Variants in SHROOM4 observed in about 807,000 individuals in gnomAD.
SHROOM4 encodes the protein protein Shroom4.
A neutral mutation model predicts 80.3 loss-of-function variants in SHROOM4; 17 were observed. The observed-to-expected ratio is 0.21, with a 90% CI of 0.14 to 0.32. SHROOM4 has a LOEUF of 0.32. Among genes scored for constraint, SHROOM4 ranks in the 10% least tolerant of loss-of-function variants. The pLI, the probability that SHROOM4 is intolerant of heterozygous loss-of-function variation, is 1.00. For missense variants in SHROOM4, 993 were observed against 1,140.3 expected (o/e 0.87, Z 1.86); for synonymous variants, 400 against 437.5 (o/e 0.91, Z 1.07).
intron 2 of SHROOM4, among the ~76,000 whole-genome samples, chrX:50,689,258 TAAATGACATTGGTAAGG>T (rs1933160894): frequency 9.0e-6 from 1 of 111,530 alleles, no homozygotes; most frequent in Non-Finnish European, 1.9e-5. Flanking sequence ...TGGAGGCTGA[TAAATGACATTGGTAAGG>T]AAATGAGAGT....
At chrX:50,694,543 ATTTTT>A (rs782530547) in intron 2 of SHROOM4, among the ~76,000 whole-genome samples, 7 of 12,492 alleles carry the variant, frequency 5.6e-4, no homozygotes, top group African/African-American at 6.6e-4. Flanking sequence ...TTTAAGTTGG[ATTTTT>A]TTTTTTTTTT....
rs781840761 is a variant in SHROOM4 at position 50,771,722 on chromosome X, C to T, written c.117+42180G>A. Among the ~76,000 whole-genome samples, 13 of 112,468 alleles carry T rather than the reference C, an allele frequency of 1.2e-4. No homozygotes were observed. The East Asian group carries it at 3.3e-3, about 29-fold the overall frequency. On this transcript the variant is annotated intron_variant, in intron 1 of 8. Transcript: ENST00000376020. ...AATTCCCTTTGACCTAACAATTCTG[C>T]TTTTTCTATAAATATCTCTTAGTAA...
In SHROOM4 at chrX:50,730,501, C is replaced by T. The variant is rs782664434; in HGVS notation, c.118-34564G>A. The stretch of plus-strand genomic sequence containing the variant: ...CACAGAACATTAACTACAGGCCTGG[C>T]ACAGTGGCTCAAGCCTGTAATCCCA... On this transcript the variant is annotated intron_variant, in intron 1 of 8. Coordinates refer to ENST00000376020, the MANE Select transcript of SHROOM4 (RefSeq NM_020717.5). Among the ~76,000 whole-genome samples the T allele has an allele frequency of 2.7e-3, 301 of 109,961 alleles. 2 individuals carry two copies. Among genetic ancestry groups the T allele is most frequent in the Middle Eastern group, 0.015 (3 of 204 alleles).
intron 7 of SHROOM4, among the ~76,000 whole-genome samples, chrX:50,599,095 C>A (rs1291974961): frequency 9.1e-6 from 1 of 109,991 alleles, no homozygotes; most frequent in Non-Finnish European, 1.9e-5. Context: ...TGATCAGCCC[C>A]CCTCAGCCTT....
chrX:50,793,994 G>T (rs1379151482), intron 1 of SHROOM4, among the ~76,000 whole-genome samples: 10 of 110,417 alleles, frequency 9.1e-5, no homozygotes, highest in Non-Finnish European at 1.9e-4. Context: ...TATGTGAAGG[G>T]AGAAAAAAAG....
At chrX:50,577,594 A>C in the SHROOM4 span, among the ~76,000 whole-genome samples, 1 of 112,288 alleles carries the variant, frequency 8.9e-6, no homozygotes, top group East Asian at 2.8e-4. Context: ...CCTGAAATAG[A>C]GGGTAGTTGG....
intron 1 of SHROOM4, among the ~76,000 whole-genome samples, chrX:50,704,482 G>A (rs1191980182): frequency 8.9e-6 from 1 of 112,063 alleles, no homozygotes; most frequent in African/African-American, 3.2e-5. Flanking sequence ...AAGAGGATGT[G>A]ATTAACTATC....
chrX:50,671,007 T>C (rs1363359537), intron 2 of SHROOM4, among the ~76,000 whole-genome samples: 6 of 112,132 alleles, frequency 5.4e-5, no homozygotes, highest in African/African-American at 1.9e-4. Context: ...GCAGAATGGA[T>C]GAGTTAGCAG....
chrX:50,772,127 T>C (rs983391838), intron 1 of SHROOM4, among the ~76,000 whole-genome samples: 4 of 111,265 alleles, frequency 3.6e-5, no homozygotes, highest in Non-Finnish European at 7.5e-5. Context: ...TGGCTAATTT[T>C]AATTTTCTTC....
chrX:50,710,953 T>G (rs1933797915), intron 1 of SHROOM4, among the ~76,000 whole-genome samples: 2 of 111,779 alleles, frequency 1.8e-5, no homozygotes, highest in South Asian at 7.6e-4. Context: ...TAGAGCTCAC[T>G]CTAGGACCAA....
chrX:50,748,121 C>T (rs781847146), intron 1 of SHROOM4, among the ~76,000 whole-genome samples: 79 of 111,483 alleles, frequency 7.1e-4, no homozygotes, highest in Non-Finnish European at 1.3e-3. Context: ...ATGATAGTAT[C>T]CTGAAAGATC....
the SHROOM4 span, among the ~76,000 whole-genome samples, chrX:50,580,995 A>G: frequency 8.9e-6 from 1 of 112,099 alleles, no homozygotes; most frequent in African/African-American, 3.2e-5. Flanking sequence ...GGTAGGATCA[A>G]AGGGAATATG....
At chrX:50,655,941 T>C (rs782446447) in intron 2 of SHROOM4, among the ~76,000 whole-genome samples, 1 of 111,854 alleles carries the variant, frequency 8.9e-6, no homozygotes, top group South Asian at 3.8e-4. Context: ...TTTTTGATTA[T>C]AGACATTCTA....
intron 1 of SHROOM4, among the ~76,000 whole-genome samples, chrX:50,743,594 A>T (rs141468986): frequency 0.022 from 2,442 of 109,829 alleles, 65 homozygotes; most frequent in African/African-American, 0.076. Context: ...AGTAGCTCAG[A>T]CTATAGGCAC....
At chrX:50,660,726 G>A (rs1932480280) in intron 2 of SHROOM4, among the ~76,000 whole-genome samples, 1 of 106,711 alleles carries the variant, frequency 9.4e-6, no homozygotes, top group Non-Finnish European at 1.9e-5. Flanking sequence ...TGATGCTCTC[G>A]CCTCAGCCTT....
At chrX:50,794,281 T>C (rs1300973457) in intron 1 of SHROOM4, among the ~76,000 whole-genome samples, 4 of 111,279 alleles carry the variant, frequency 3.6e-5, no homozygotes, top group Non-Finnish European at 7.5e-5. Context: ...TGGTACACAT[T>C]GAATTAACAG....
At chrX:50,711,450 T>C (rs934869946) in intron 1 of SHROOM4, among the ~76,000 whole-genome samples, 3 of 111,945 alleles carry the variant, frequency 2.7e-5, no homozygotes, top group Admixed American at 9.5e-5. Context: ...AATAGAGATT[T>C]TGGATACACA....
intron 1 of SHROOM4, among the ~76,000 whole-genome samples, chrX:50,737,145 T>C (rs1190503125): frequency 9.0e-6 from 1 of 111,512 alleles, no homozygotes; most frequent in Non-Finnish European, 1.9e-5. Flanking sequence ...TTACTATAAA[T>C]ATGAAGTATA....
At chrX:50,605,879 T>C (rs1929641416) in intron 6 of SHROOM4, among the ~76,000 whole-genome samples, 1 of 112,395 alleles carries the variant, frequency 8.9e-6, no homozygotes, top group Non-Finnish European at 1.9e-5. Context: ...TTAATAAATG[T>C]TCATCCATTC....
Sources: allele counts gnomAD v4.1 joint callset (sites outside exome capture counted in the v4.1 genomes callset), GRCh38; gene constraint gnomAD v4.1.1; transcripts MANE v1.5; gene names NCBI Gene and HGNC (gene_info 2026-07-23, HGNC 2026-07-21).